Variants in ARHGAP26 observed in about 807,000 individuals in gnomAD.
ARHGAP26 encodes the protein Rho GTPase activating protein 26, also known as rho GTPase-activating protein 26.
A neutral mutation model predicts 104.8 loss-of-function variants in ARHGAP26; 38 were observed. The observed-to-expected ratio is 0.36, with a 90% CI of 0.28 to 0.48. ARHGAP26 has a LOEUF of 0.48. ARHGAP26 is among the 20% of genes least tolerant of loss of function. The pLI, the probability that ARHGAP26 is intolerant of heterozygous loss-of-function variation, is 0.99. For missense variants in ARHGAP26, 704 were observed against 947.9 expected, an observed-to-expected ratio of 0.74 and a Z score of 3.38; for synonymous variants, 341 against 340.0, an observed-to-expected ratio of 1.00 and a Z score of -0.03.
intron 20 of ARHGAP26, among the ~76,000 whole-genome samples, chr5:143,164,375 G>C (rs533741969): frequency 2.0e-4 from 30 of 152,098 alleles, no homozygotes; most frequent in Non-Finnish European, 2.1e-4. Flanking sequence ...CTGTTTCTTT[G>C]TCTATAAGGA....
intron 5 of ARHGAP26, among the ~76,000 whole-genome samples, chr5:142,887,048 C>T (rs1757812224): frequency 6.6e-6 from 1 of 152,170 alleles, no homozygotes; most frequent in Non-Finnish European, 1.5e-5. Context: ...CAGAGTTGAG[C>T]AGGTGTGTGG....
chr5:142,867,045 T>G (rs1482646675), intron 1 of ARHGAP26, among the ~76,000 whole-genome samples: 1 of 152,196 alleles, frequency 6.6e-6, no homozygotes, highest in Non-Finnish European at 1.5e-5. Flanking sequence ...AGTTGCTGAG[T>G]GTCCACTGGA....
chr5:143,035,106 G>A (rs1412596303), intron 12 of ARHGAP26, among the ~76,000 whole-genome samples: 1 of 152,182 alleles, frequency 6.6e-6, no homozygotes, highest in African/African-American at 2.4e-5. Flanking sequence ...GAGTGTGTTT[G>A]TAATAAGCAT....
intron 11 of ARHGAP26, among the ~76,000 whole-genome samples, chr5:142,933,305 A>G (rs1212581234): frequency 6.6e-6 from 1 of 152,220 alleles, no homozygotes. Flanking sequence ...TGAGCACATT[A>G]CATCTCTTAA....
At chr5:142,793,564 T>C (rs2151922841) in intron 1 of ARHGAP26, among the ~76,000 whole-genome samples, 1 of 152,130 alleles carries the variant, frequency 6.6e-6, no homozygotes, top group East Asian at 1.9e-4. Context: ...CACCATTCTC[T>C]CAGTTGGTTT....
chr5:142,995,901 G>A (rs1776309708), intron 11 of ARHGAP26, among the ~76,000 whole-genome samples: 1 of 152,108 alleles, frequency 6.6e-6, no homozygotes, highest in South Asian at 2.1e-4. Flanking sequence ...TCTCAGCAAA[G>A]TAACACAGGA....
In ARHGAP26 at chr5:143,040,284, C is replaced by T. The variant is rs535731811; in HGVS notation, c.1211-1532C>T. 1.1e-4 allele frequency among the ~76,000 whole-genome samples: 17 copies of T among 152,304 alleles called. No homozygotes were observed. The South Asian group carries it at 2.1e-3, about 19-fold the overall frequency. ...GAATGATGTACATGATTTTACAGGT[C>T]CTTTTTAGCTGTAAAATTCTATCAT... On this transcript the variant is annotated intron_variant, in intron 13 of 22. Transcript: ENST00000645722.
At chr5:142,879,573 T>C (rs1479687814) in intron 4 of ARHGAP26, 128 bp downstream of exon 4, 1 of 870,268 alleles carries the variant, frequency 1.1e-6, no homozygotes, top group Non-Finnish European at 1.7e-6. Context: ...CAGAAAATCT[T>C]AGGCAGAAAA....
chr5:143,218,632 GA>G (rs998918898), intron 22 of ARHGAP26, among the ~76,000 whole-genome samples: 15 of 152,294 alleles, frequency 9.8e-5, no homozygotes, highest in African/African-American at 3.6e-4. Flanking sequence ...TGGTTGGCAG[GA>G]AGCTCACCCA....
chr5:142,967,212 G>A (rs953205643), intron 11 of ARHGAP26, among the ~76,000 whole-genome samples: 1 of 152,160 alleles, frequency 6.6e-6, no homozygotes, highest in Non-Finnish European at 1.5e-5. Flanking sequence ...GATAAAAATT[G>A]ACCACATATG....
intron 17 of ARHGAP26, among the ~76,000 whole-genome samples, chr5:143,096,413 G>A (rs1199134548): frequency 1.3e-5 from 2 of 152,140 alleles, no homozygotes; most frequent in African/African-American, 4.8e-5. Context: ...ACACTCACTT[G>A]GTTCATTTCT....
chr5:142,971,962 A>G (rs1216220933), intron 11 of ARHGAP26, among the ~76,000 whole-genome samples: 2 of 152,146 alleles, frequency 1.3e-5, no homozygotes, highest in African/African-American at 2.4e-5. Context: ...CGGGCAGATC[A>G]GTTGAGGTCA....
intron 11 of ARHGAP26, among the ~76,000 whole-genome samples, chr5:142,965,174 A>G (rs1771098356): frequency 6.6e-6 from 1 of 152,230 alleles, no homozygotes; most frequent in African/African-American, 2.4e-5. Flanking sequence ...AGGCAGAGCC[A>G]GGTGTACAGG....
intron 11 of ARHGAP26, among the ~76,000 whole-genome samples, chr5:142,979,305 A>G (rs936915548): frequency 6.6e-6 from 1 of 152,166 alleles, no homozygotes; most frequent in Non-Finnish European, 1.5e-5. Context: ...TCTCCTCTCT[A>G]TATCATCCCC....
chr5:143,024,598 T>C (rs902445708), intron 12 of ARHGAP26, among the ~76,000 whole-genome samples: 1 of 152,196 alleles, frequency 6.6e-6, no homozygotes, highest in African/African-American at 2.4e-5. Context: ...CTTCCAGTTA[T>C]TGTGGTTAAT....
At chr5:143,003,331 A>G (rs1480711954) in intron 11 of ARHGAP26, among the ~76,000 whole-genome samples, 22 of 152,180 alleles carry the variant, frequency 1.4e-4, no homozygotes, top group Admixed American at 1.4e-3. Flanking sequence ...GTGACACTCA[A>G]AATGTGAAAG....
intron 3 of ARHGAP26, among the ~76,000 whole-genome samples, chr5:142,878,249 T>C (rs1297281507): frequency 6.6e-6 from 1 of 152,150 alleles, no homozygotes; most frequent in Non-Finnish European, 1.5e-5. Flanking sequence ...ATGAATGACT[T>C]AAAAGGAAAA....
At chr5:142,947,644 C>T (rs1767362193) in intron 11 of ARHGAP26, among the ~76,000 whole-genome samples, 1 of 152,100 alleles carries the variant, frequency 6.6e-6, no homozygotes, top group African/African-American at 2.4e-5. Flanking sequence ...ACTGAATTAA[C>T]TTGGAGGCAA....
chr5:143,142,858 A>G (rs1297368228), intron 19 of ARHGAP26, among the ~76,000 whole-genome samples: 1 of 152,186 alleles, frequency 6.6e-6, no homozygotes, highest in Non-Finnish European at 1.5e-5. Context: ...CAAAACTTTA[A>G]CAAGTAGGAG....
Sources: gnomAD v4.1 joint callset for allele counts (sites outside exome capture counted in the v4.1 genomes callset) on GRCh38, gnomAD v4.1.1 for gene constraint, MANE v1.5 for transcripts, NCBI Gene and HGNC (gene_info 2026-07-23, HGNC 2026-07-21) for gene names.